ESRRA: variants seen among roughly 807,000 people sequenced by gnomAD.
The protein encoded by ESRRA is steroid hormone receptor ERR1.
Under a neutral mutation model 35.6 loss-of-function variants are expected in ESRRA, and 7 were observed. The ratio of observed to expected loss-of-function variants is 0.20; its 90% confidence interval spans 0.11 to 0.37. ESRRA has a LOEUF of 0.37. ESRRA is among the 10% of genes least tolerant of loss of function. The probability of loss-of-function intolerance (pLI) is 1.00; values close to 1 mark genes in which losing one functional copy is unlikely to be tolerated. For missense variants in ESRRA, 378 were observed against 561.7 expected (o/e 0.67, Z 3.31); for synonymous variants, 223 against 246.9 (o/e 0.90, Z 0.91).
chr11:64,309,124 C>G (rs1184901825), intron 2 of ESRRA, among the ~76,000 whole-genome samples: 5 of 149,630 alleles, frequency 3.3e-5, no homozygotes, highest in African/African-American at 1.2e-4. Context: ...AAAACAAAAA[C>G]AAAAACAAAA....
Position 64,314,300 on chromosome 11 carries a change from C to A in ESRRA, c.504C>A (p.Asp168Glu). ...RQKYKRRPEV[D>E]PLPFPGPFPA... ...AGTACAAGCGGCGGCCGGAGGTGGA[C>A]CCACTGCCCTTCCCGGGCCCCTTCC... The change falls in exon 4 of 7, where the codon GAC (aspartate) becomes GAA (glutamate). Residue 168 changes from aspartate (D) to glutamate (E), a missense_variant. By Grantham distance (45) the Asp-to-Glu change is conservative. This residue lies in a region of ESRRA where 284 missense variants were observed against 411.7 expected (regional missense o/e 0.69). Coordinates refer to ENST00000000442, the MANE Select transcript of ESRRA (RefSeq NM_004451.5). 6.2e-7 allele frequency: 1 copy of A among 1,611,064 alleles called. No homozygotes were observed. The highest frequency in any genetic ancestry group is 8.5e-7 in the Non-Finnish European group (1 of 1,179,218).
chr11:64,314,392 G>T (rs745349428), intron 4 of ESRRA, 25 bp downstream of exon 4: 17 of 1,529,238 alleles, frequency 1.1e-5, no homozygotes, highest in Non-Finnish European at 1.2e-5. Flanking sequence ...GGTACCTGGG[G>T]CTACGAAACC....
intron 2 of ESRRA, among the ~76,000 whole-genome samples, chr11:64,310,537 T>TG (rs1278204029): frequency 1.4e-5 from 1 of 70,436 alleles, no homozygotes; most frequent in African/African-American, 5.7e-5. Flanking sequence ...CCTGGCCAGG[T>TG]TTTTTTTTTT....
intron 6 of ESRRA, 108 bp from the exon 7 acceptor site, chr11:64,315,599 A>G: frequency 1.4e-6 from 2 of 1,456,644 alleles, no homozygotes; most frequent in Non-Finnish European, 1.9e-6. Context: ...CCAATCAACA[A>G]ATCCTCGTTT....
intron 4 of ESRRA, 58 bp from the exon 5 acceptor site, chr11:64,314,683 G>C: frequency 6.5e-7 from 1 of 1,530,880 alleles, no homozygotes; most frequent in Non-Finnish European, 8.9e-7. Context: ...GAAGATGCTT[G>C]ACCCCTGAGG....
intron 2 of ESRRA, among the ~76,000 whole-genome samples, chr11:64,309,434 C>CA (rs5792320): frequency 0.82 from 100,400 of 122,446 alleles, 41,891 homozygotes; most frequent in Non-Finnish European, 0.93. Flanking sequence ...ACTCTCATCT[C>CA]AAAAAAAAAA....
Position 64,313,702 on chromosome 11 carries a change from T to C in ESRRA, c.326-249T>C, listed in dbSNP as rs1333467647. On this transcript the variant is annotated intron_variant, in intron 2 of 6. Transcript: ENST00000000442. The surrounding 1 kb of genome is among the most constrained non-coding windows in gnomAD (Gnocchi z 4.0). ...CCTTGATGTCGGCAGATGAGGGCAG[T>C]GTGGTCCAGAGATGAGGCTTGGGGC... 2.2e-6 allele frequency: 1 copy of C among 450,348 alleles called. No homozygotes were observed. Among genetic ancestry groups the C allele is most frequent in the Admixed American group, 3.7e-5 (1 of 26,698 alleles). The allele number at this position is 450,348 out of a possible 1,614,324, so 27.9% of individuals were successfully genotyped here.
intron 2 of ESRRA, among the ~76,000 whole-genome samples, chr11:64,311,540 C>G (rs555229349): frequency 1.3e-5 from 2 of 151,396 alleles, no homozygotes; most frequent in East Asian, 3.9e-4. Flanking sequence ...CTCAGCCTCC[C>G]CAATAGCTGG....
chr11:64,316,300 G>A lies in ESRRA; in HGVS notation c.*334G>A, dbSNP rs1408935155. ...TATCTCAGGGAGGGAAGGGGATGGAGGCCAGAGTCTCCCAGTGGGTGATGC... is the reference window on the plus strand; with the variant it reads ...TATCTCAGGGAGGGAAGGGGATGGAAGCCAGAGTCTCCCAGTGGGTGATGC... On this transcript the variant is annotated 3_prime_UTR_variant, in exon 7 of 7. Transcript: ENST00000000442. 3.6e-6 allele frequency: 1 copy of A among 279,960 alleles called. No individual in the cohort carries two copies. The highest frequency in any genetic ancestry group is 6.9e-6 in the Non-Finnish European group (1 of 145,854). 17.3% of individuals were successfully genotyped at this position (279,960 alleles called of 1,614,324 possible). A position where few individuals can be genotyped will look rare whatever the true frequency, so the allele number is the denominator to read the frequency against.
intron 2 of ESRRA, among the ~76,000 whole-genome samples, chr11:64,308,252 C>T (rs1403163528): frequency 6.6e-6 from 1 of 152,168 alleles, no homozygotes; most frequent in African/African-American, 2.4e-5. Flanking sequence ...CAGTTGCTCA[C>T]ACCTGTAATC....
chr11:64,310,750 G>A (rs2035125726), intron 2 of ESRRA, among the ~76,000 whole-genome samples: 1 of 151,986 alleles, frequency 6.6e-6, no homozygotes, highest in Non-Finnish European at 1.5e-5. Flanking sequence ...GTTTCACCAT[G>A]TTGGCCAGGC....
Position 64,315,842 on chromosome 11 carries a change from T to C in ESRRA, c.1148T>C (p.Leu383Pro). Reference protein sequence around the residue: ...AERRRAGRLLLTLPLLRQTAG... With the variant: ...AERRRAGRLLPTLPLLRQTAG... ...CGGCGGCGGGCGGGCAGGCTGCTGC[T>C]CACGCTACCGCTCCTCCGCCAGACA... Residue 383 changes from leucine to proline, a missense_variant, in exon 7 of 7, where the codon CTC (leucine) becomes CCC (proline). Transcript: ENST00000000442. 1 of 1,611,344 alleles carries C rather than the reference T, an allele frequency of 6.2e-7. No homozygotes were observed.
chr11:64,307,242 C>T lies in ESRRA; in HGVS notation c.63C>T (p.Asp21=). Residue 21 remains aspartate (D), a synonymous_variant, in exon 2 of 7, where the codon GAC becomes GAT. Transcript: ENST00000000442. ...TCAAGGCAGAGCCGGCCAGCCCTGACAGTCCAAAGGGTTCCTCGGAGACAG... is the reference window on the plus strand; with the variant it reads ...TCAAGGCAGAGCCGGCCAGCCCTGATAGTCCAAAGGGTTCCTCGGAGACAG... ...LYIKAEPASP[D]SPKGSSETET... 6.2e-7 allele frequency: 1 copy of T among 1,612,552 alleles called. No individual in the cohort carries two copies. The highest frequency in any genetic ancestry group is 1.1e-5 in the South Asian group (1 of 90,776).
At position 64,309,932 on chromosome 11, in the gene ESRRA, CAA is replaced by C. The variant is rs35187370; in HGVS notation, c.325+2449_325+2450del. Among the ~76,000 whole-genome samples, 437 of 74,526 alleles carry C rather than the reference CAA, an allele frequency of 5.9e-3. 1 individual carries two copies. The highest frequency in any genetic ancestry group is 0.017 in the African/African-American group (339 of 20,344). The allele number at this position is 74,526 out of a possible 152,430, so 48.9% of individuals were successfully genotyped here. On this transcript the variant is annotated intron_variant, in intron 2 of 6. Coordinates refer to ENST00000000442, the MANE Select transcript of ESRRA (RefSeq NM_004451.5). ...TGGGTGACAGAGTGAGAGTTCGTAT[CAA>C]AAAAAAAAAAAAAAAAAAAATCTTG...
At position 64,307,052 on chromosome 11, in the gene ESRRA, A is replaced by T. The variant is rs2035047443; in HGVS notation, c.-12-116A>T. 6 of 782,882 alleles carry T rather than the reference A, an allele frequency of 7.7e-6. No individual in the cohort carries two copies. In the Admixed American group the frequency reaches 1.4e-4, roughly 19 times the overall value. The allele number at this position is 782,882 out of a possible 1,614,324, so 48.5% of individuals were successfully genotyped here. On this transcript the variant is annotated intron_variant, in intron 1 of 6. Transcript: ENST00000000442. ...TTGGACTCTGCCCCCCTTCTTCCCCACTTGCTGGGCTTGGAAGCCTGGCCC... is the reference window on the plus strand; with the variant it reads ...TTGGACTCTGCCCCCCTTCTTCCCCTCTTGCTGGGCTTGGAAGCCTGGCCC...
At chr11:64,308,815 CAAA>C (rs1265755324) in intron 2 of ESRRA, among the ~76,000 whole-genome samples, 4 of 58,748 alleles carry the variant, frequency 6.8e-5, no homozygotes, top group Non-Finnish European at 6.8e-5. Context: ...GACTCCGTCT[CAAA>C]AAAAAAAAAA....
Position 64,316,371 on chromosome 11 carries a change from C to A in ESRRA, c.*405C>A. On this transcript the variant is annotated 3_prime_UTR_variant, in exon 7 of 7. Coordinates refer to ENST00000000442, the MANE Select transcript of ESRRA (RefSeq NM_004451.5). ...ACCCCCTCTTCAAAGCAGAGTGGGA[C>A]TTGGAGAGCAAAGGCCCATGCCCCC... 1 of 202,912 alleles carries A rather than the reference C, an allele frequency of 4.9e-6. No individual in the cohort carries two copies. The highest frequency in any genetic ancestry group is 1.0e-5 in the Non-Finnish European group (1 of 97,792). 12.6% of individuals were successfully genotyped at this position (202,912 alleles called of 1,614,324 possible).
rs1387776343 is a variant in ESRRA at position 64,316,249 on chromosome 11, C to T, written c.*283C>T. ...GCCTTGCGGAAGCCATAGGGGGCTG[C>T]ACGGGATGCGTGGGAGGCAGAAACC... On this transcript the variant is annotated 3_prime_UTR_variant, in exon 7 of 7. Coordinates refer to ENST00000000442, the MANE Select transcript of ESRRA (RefSeq NM_004451.5). 14 of 362,002 alleles carry T rather than the reference C, an allele frequency of 3.9e-5. No individual in the cohort carries two copies. The highest frequency in any genetic ancestry group is 1.2e-4 in the South Asian group (2 of 17,390). The allele number at this position is 362,002 out of a possible 1,614,324, so 22.4% of individuals were successfully genotyped here. A position where few individuals can be genotyped will look rare whatever the true frequency, so the allele number is the denominator to read the frequency against.
chr11:64,307,176 C>A lies in ESRRA; in HGVS notation c.-4C>A. ...TGGGTCTCTCCGTGCAGGTGACCAG[C>A]GCCATGTCCAGCCAGGTGGTGGGCA... On this transcript the variant is annotated 5_prime_UTR_variant, in exon 2 of 7. Coordinates refer to ENST00000000442, the MANE Select transcript of ESRRA (RefSeq NM_004451.5). 6.4e-7 allele frequency: 1 copy of A among 1,573,156 alleles called. No homozygotes were observed. The highest frequency in any genetic ancestry group is 1.2e-5 in the South Asian group (1 of 85,504).
Sources: gnomAD v4.1 joint callset for allele counts (sites outside exome capture counted in the v4.1 genomes callset) on GRCh38, gnomAD v4.1.1 for gene constraint, gnomAD v4.1.1 regional missense constraint, Gnocchi (gnomAD v3.1) non-coding constraint, MANE v1.5 for transcripts, NCBI Gene and HGNC (gene_info 2026-07-23, HGNC 2026-07-21) for gene names.